FBXO34: variants seen among roughly 807,000 people sequenced by gnomAD.
The protein encoded by FBXO34 is F-box only protein 34.
FBXO34 carries 12 observed loss-of-function variants against 24.5 expected under a neutral mutation model. The ratio of observed to expected loss-of-function variants is 0.49; its 90% CI spans 0.31 to 0.79. FBXO34 has a LOEUF of 0.79. Among genes scored for constraint, FBXO34 ranks in the 30% least tolerant of loss-of-function variants. FBXO34 has a pLI of 0.04. For synonymous variants in FBXO34, 320 were observed against 311.9 expected (o/e 1.03, Z -0.27); for missense variants, 823 against 857.7 (o/e 0.96, Z 0.51).
the FBXO34 span, among the ~76,000 whole-genome samples, chr14:55,407,469 T>G: frequency 6.6e-6 from 1 of 152,176 alleles, no homozygotes; most frequent in East Asian, 1.9e-4. Flanking sequence ...TTCATCATGT[T>G]GGCCAGGCTA....
chr14:55,331,683 A>ATG lies in FBXO34; in HGVS notation c.-10-18694_-10-18693dup, dbSNP rs1228528990. 1.3e-3 allele frequency among the ~76,000 whole-genome samples: 79 copies of ATG among 58,940 alleles called. 10 individuals are homozygous for ATG. The highest frequency in any genetic ancestry group is 9.4e-3 in the African/African-American group (66 of 7,034). 38.7% of individuals were successfully genotyped at this position (58,940 alleles called of 152,430 possible). On this transcript the variant is annotated intron_variant, in intron 1 of 1. Coordinates refer to ENST00000313833, the MANE Select transcript of FBXO34 (RefSeq NM_017943.4). ...CAACATGGTGTGTGTATATATATAT[A>ATG]TGTGTATATATATATATATATGTAT...
the FBXO34 span, among the ~76,000 whole-genome samples, chr14:55,384,149 T>C: frequency 3.3e-5 from 5 of 152,184 alleles, 1 homozygote; most frequent in South Asian, 8.3e-4. Context: ...AGGGTAACTT[T>C]AAAACCACCA....
chr14:55,397,596 C>T, the FBXO34 span, among the ~76,000 whole-genome samples: 15 of 152,194 alleles, frequency 9.9e-5, no homozygotes, highest in African/African-American at 3.6e-4. Flanking sequence ...CAACTGCTAA[C>T]CATTTGGTTC....
At chr14:55,363,858 C>T (rs1231185052), downstream of FBXO34, among the ~76,000 whole-genome samples, 2 of 151,776 alleles carry the variant, frequency 1.3e-5, no homozygotes, top group African/African-American at 4.8e-5. Flanking sequence ...GACACTCCTG[C>T]TTAATGCCTC....
intron 1 of FBXO34, among the ~76,000 whole-genome samples, chr14:55,303,127 C>T (rs1401757175): frequency 7.9e-6 from 1 of 126,068 alleles, no homozygotes; most frequent in African/African-American, 2.8e-5. Flanking sequence ...TCTTTACAGG[C>T]CTTTTTTTTT....
At chr14:55,386,171 A>C in the FBXO34 span, 1 of 1,245,632 alleles carries the variant, frequency 8.0e-7, no homozygotes, top group Non-Finnish European at 1.1e-6. Context: ...CACCCCACAA[A>C]CATGCGTGTT....
downstream of FBXO34, among the ~76,000 whole-genome samples, chr14:55,355,955 C>G (rs1423848202): frequency 6.6e-6 from 1 of 152,168 alleles, no homozygotes; most frequent in Non-Finnish European, 1.5e-5. Flanking sequence ...ATGGGAGCAT[C>G]CTTGGTGGAA....
chr14:55,436,123 T>C, the FBXO34 span, among the ~76,000 whole-genome samples: 10 of 152,232 alleles, frequency 6.6e-5, no homozygotes, highest in African/African-American at 2.4e-4. Flanking sequence ...CTAAAGAGCC[T>C]TTCCTAAAAT....
downstream of FBXO34, chr14:55,366,312 AG>A (rs1377036194): frequency 5.2e-5 from 8 of 152,652 alleles, no homozygotes; most frequent in Non-Finnish European, 8.8e-5. Context: ...AAAGTACTCC[AG>A]GGTTCAATCT....
chr14:55,345,962 C>T (rs1434149468), intron 1 of FBXO34, among the ~76,000 whole-genome samples: 3 of 152,098 alleles, frequency 2.0e-5, no homozygotes, highest in African/African-American at 4.8e-5. Context: ...GCCAAGATCA[C>T]GCCACTCACT....
the FBXO34 span, among the ~76,000 whole-genome samples, chr14:55,401,527 C>T: frequency 6.6e-6 from 1 of 152,072 alleles, no homozygotes; most frequent in Non-Finnish European, 1.5e-5. Flanking sequence ...TTAAAAAAGT[C>T]TTCTATATTA....
the FBXO34 span, among the ~76,000 whole-genome samples, chr14:55,383,549 TCAAAAAAACA>T: frequency 6.6e-6 from 1 of 150,496 alleles, no homozygotes; most frequent in South Asian, 2.1e-4. Context: ...AGACTCCATC[TCAAAAAAACA>T]CAAAAAAACA....
At chr14:55,419,479 A>G in the FBXO34 span, among the ~76,000 whole-genome samples, 6 of 152,218 alleles carry the variant, frequency 3.9e-5, no homozygotes, top group Non-Finnish European at 7.3e-5. Context: ...CTGTGGTTTA[A>G]GAAAAAAACA....
the FBXO34 span, among the ~76,000 whole-genome samples, chr14:55,438,565 C>T: frequency 6.6e-6 from 1 of 152,164 alleles, no homozygotes; most frequent in Non-Finnish European, 1.5e-5. Context: ...CTCCCTTCCC[C>T]TTCCCCTTCC....
intron 1 of FBXO34, among the ~76,000 whole-genome samples, chr14:55,332,146 T>G (rs1264450709): frequency 6.7e-6 from 1 of 150,340 alleles, no homozygotes; most frequent in Non-Finnish European, 1.5e-5. Context: ...ACTACTTTTC[T>G]CCACTTGAAC....
chr14:55,298,600 C>A (rs1052934332), intron 1 of FBXO34: 4 of 1,017,906 alleles, frequency 3.9e-6, no homozygotes, highest in Non-Finnish European at 5.7e-6. Context: ...GGGCGGGCGC[C>A]GGAGCCCAGC....
At chr14:55,310,620 C>T (rs1177836782) in intron 1 of FBXO34, among the ~76,000 whole-genome samples, 1 of 152,146 alleles carries the variant, frequency 6.6e-6, no homozygotes, top group Non-Finnish European at 1.5e-5. Context: ...TTCATGCCTG[C>T]CTGCCTGCCT....
chr14:55,346,541 G>A (rs1025415215), intron 1 of FBXO34, among the ~76,000 whole-genome samples: 4 of 152,172 alleles, frequency 2.6e-5, no homozygotes, highest in African/African-American at 9.7e-5. Flanking sequence ...GGGAGAGTGT[G>A]TCACTGGAAA....
chr14:55,420,375 GAA>G, the FBXO34 span, among the ~76,000 whole-genome samples: 1 of 152,196 alleles, frequency 6.6e-6, no homozygotes, highest in Non-Finnish European at 1.5e-5. Context: ...ATTTGCGGGT[GAA>G]AAGAGTCTAG....
Sources: allele counts gnomAD v4.1 joint callset (sites outside exome capture counted in the v4.1 genomes callset), GRCh38; gene constraint gnomAD v4.1.1; transcripts MANE v1.5; gene names NCBI Gene and HGNC (gene_info 2026-07-23, HGNC 2026-07-21).